The following ELF4 variants were observed in gnomAD, a reference collection of about 807,000 sequenced individuals.
ELF4 encodes the protein ETS-related transcription factor Elf-4.
Under a neutral mutation model 31.7 loss-of-function variants are expected in ELF4, and 10 were observed. The observed-to-expected ratio is 0.32, with a 90% CI of 0.19 to 0.54. ELF4 has a LOEUF of 0.54. Among genes scored for constraint, ELF4 ranks in the 20% least tolerant of loss-of-function variants. The probability of loss-of-function intolerance (pLI) is 0.95; values close to 1 mark genes in which losing one functional copy is unlikely to be tolerated. For missense variants in ELF4, 418 were observed against 522.0 expected (o/e 0.80, Z 1.94); for synonymous variants, 208 against 226.7 (o/e 0.92, Z 0.74).
At chrX:130,089,284 C>G (rs1024953959) in intron 1 of ELF4, among the ~76,000 whole-genome samples, 8 of 108,249 alleles carry the variant, frequency 7.4e-5, no homozygotes, top group African/African-American at 2.7e-4. Flanking sequence ...AGGTGGATTG[C>G]TTGAGCTCAG....
At position 130,081,237 on chromosome X, in the gene ELF4, C is replaced by G. The variant is rs1432834356; in HGVS notation, c.75+19G>C. ...ATTGTCCACAGGGGCTAACTGTGCT[C>G]TGTTCTCTGGGGCCATACCTGGTGG... On this transcript the variant is annotated intron_variant, in intron 2 of 8. Transcript: ENST00000308167. 1 of 1,210,994 alleles carries G rather than the reference C, an allele frequency of 8.3e-7. No homozygotes were observed. The highest frequency in any genetic ancestry group is 1.1e-6 in the Non-Finnish European group (1 of 894,597).
At chrX:130,111,269 G>T (rs1483026924), upstream of ELF4, among the ~76,000 whole-genome samples, 1 of 111,985 alleles carries the variant, frequency 8.9e-6, no homozygotes, top group African/African-American at 3.2e-5. Flanking sequence ...TGCTCGTTCC[G>T]CGCCCTTCCC....
At chrX:130,090,156 G>A (rs1304559752) in intron 1 of ELF4, among the ~76,000 whole-genome samples, 2 of 110,439 alleles carry the variant, frequency 1.8e-5, no homozygotes, top group African/African-American at 3.3e-5. Context: ...GGCGGATGAT[G>A]AGGTCAGGAG....
At chrX:130,076,409 G>A (rs1274054389) in intron 2 of ELF4, among the ~76,000 whole-genome samples, 5 of 111,025 alleles carry the variant, frequency 4.5e-5, no homozygotes, top group African/African-American at 1.6e-4. Context: ...AAATAAATAT[G>A]CCAGGATGTT....
chrX:130,089,422 T>C (rs1933012988), intron 1 of ELF4, among the ~76,000 whole-genome samples: 1 of 96,391 alleles, frequency 1.0e-5, no homozygotes, highest in Admixed American at 1.2e-4. Flanking sequence ...GGTGGGAGGA[T>C]CGCTTGAGCC....
chrX:130,102,873 AG>A (rs1279444146), intron 1 of ELF4, among the ~76,000 whole-genome samples: 57 of 76,896 alleles, frequency 7.4e-4, no homozygotes, highest in African/African-American at 1.4e-3. Context: ...AGAGAGAGAG[AG>A]AGAGAGAGAG....
intron 1 of ELF4, among the ~76,000 whole-genome samples, chrX:130,094,392 AAAAACAAAAC>A (rs372844707): frequency 3.8e-5 from 4 of 106,173 alleles, no homozygotes; most frequent in Non-Finnish European, 7.8e-5. Flanking sequence ...TCAAAAAAAC[AAAAACAAAAC>A]AAAACAAAAC....
At chrX:130,102,097 G>T (rs1247484565) in intron 1 of ELF4, among the ~76,000 whole-genome samples, 1 of 112,112 alleles carries the variant, frequency 8.9e-6, no homozygotes, top group Non-Finnish European at 1.9e-5. Context: ...AGTGAACTGA[G>T]ATCGCACGAC....
At chrX:130,083,193 G>A (rs1932910122) in intron 1 of ELF4, among the ~76,000 whole-genome samples, 1 of 105,950 alleles carries the variant, frequency 9.4e-6, no homozygotes, top group Non-Finnish European at 1.9e-5. Context: ...CCCTTTGGAC[G>A]AGTGAGAGGC....
intron 1 of ELF4, among the ~76,000 whole-genome samples, chrX:130,095,610 C>T (rs2124630290): frequency 8.9e-6 from 1 of 111,799 alleles, no homozygotes; most frequent in South Asian, 3.7e-4. Flanking sequence ...AATGTCAACC[C>T]AAGCTCCATC....
rs758877440 is a variant in ELF4, at chrX:130,077,110, G to T, written c.76-2358C>A. ...GATTAAGGTCCCAGCATCTAGAGCT[G>T]TCCATGATGATATCCACTAGTCACG... On this transcript the variant is annotated intron_variant, in intron 2 of 8. Transcript: ENST00000308167. Among the ~76,000 whole-genome samples, 268 of 110,999 alleles carry T rather than the reference G, an allele frequency of 2.4e-3. 1 individual carries two copies. Among genetic ancestry groups the T allele is most frequent in the African/African-American group, 8.0e-3 (245 of 30,506 alleles).
Position 130,081,381 on chromosome X carries a change from G to A in ELF4, c.-51C>T. 2 of 1,152,390 alleles carry A rather than the reference G, an allele frequency of 1.7e-6. No individual in the cohort carries two copies. Among genetic ancestry groups the A allele is most frequent in the Non-Finnish European group, 2.4e-6 (2 of 841,510 alleles). 95.0% of individuals were successfully genotyped at this position (1,152,390 alleles called of 1,213,427 possible). A position where few individuals can be genotyped will look rare whatever the true frequency, so the allele number is the denominator to read the frequency against. On this transcript the variant is annotated 5_prime_UTR_variant, in exon 2 of 9. Coordinates refer to ENST00000308167, the MANE Select transcript of ELF4 (RefSeq NM_001421.4). ...GGGATTATCAGAGCCCTCCAGAGCT[G>A]TGGGGCTTTCTTGATGAAGGGACAA...
chrX:130,077,737 A>G, intron 2 of ELF4, among the ~76,000 whole-genome samples: 1 of 112,177 alleles, frequency 8.9e-6, no homozygotes, highest in East Asian at 2.8e-4. Flanking sequence ...TTATAAAATG[A>G]GAGTGATCAC....
intron 2 of ELF4, among the ~76,000 whole-genome samples, chrX:130,076,614 A>G (rs1932837258): frequency 9.0e-6 from 1 of 111,174 alleles, no homozygotes; most frequent in Admixed American, 9.6e-5. Flanking sequence ...GTATTTTAGT[A>G]GAGATGGGGT....
intron 4 of ELF4, among the ~76,000 whole-genome samples, chrX:130,073,548 G>A (rs1932806836): frequency 8.9e-6 from 1 of 112,085 alleles, no homozygotes; most frequent in African/African-American, 3.2e-5. Context: ...GTTCGCTCTT[G>A]TCACCCAGGC....
rs2124607478 is a variant in ELF4, at chrX:130,064,564, G to A, written c.*2157C>T. Among the ~76,000 whole-genome samples the A allele has an allele frequency of 8.9e-6, 1 of 112,337 alleles. No individual in the cohort carries two copies. The highest frequency in any genetic ancestry group is 2.8e-4 in the East Asian group (1 of 3,588). On this transcript the variant is annotated 3_prime_UTR_variant, in exon 9 of 9. Coordinates refer to ENST00000308167, the MANE Select transcript of ELF4 (RefSeq NM_001421.4). ...GGAGCTTAAGAGAAAGGTTGGGACT[G>A]GAGCTCTAGATTTAGGACCCATCTC...
chrX:130,087,715 G>A (rs933499987), intron 1 of ELF4, among the ~76,000 whole-genome samples: 1 of 111,814 alleles, frequency 8.9e-6, no homozygotes, highest in Non-Finnish European at 1.9e-5. Context: ...TGATCCACCC[G>A]CCTCAGCCTC....
chrX:130,097,442 AG>A (rs1483744325), intron 1 of ELF4, among the ~76,000 whole-genome samples: 1 of 111,317 alleles, frequency 9.0e-6, no homozygotes, highest in Non-Finnish European at 1.9e-5. Context: ...CTCAAAAAAA[AG>A]AAAAGAAAAG....
rs201228337 is a variant in ELF4, at chrX:130,067,050, G to A, written c.1663C>T (p.Pro555Ser). 71 of 1,210,639 alleles carry A rather than the reference G, an allele frequency of 5.9e-5. No homozygotes were observed. The highest frequency in any genetic ancestry group is 7.4e-5 in the Non-Finnish European group (66 of 895,237). The change falls in exon 9 of 9, where the codon CCC becomes TCC. Residue 555 changes from proline (P) to serine (S), a missense_variant. This residue lies in a region of ELF4 where 260 missense variants were observed against 269.2 expected (regional missense o/e 0.97). Transcript: ENST00000308167. ...TCAGGAACCAGCAGCCCCTCCATGG[G>A]GGCCCCCGTCACCATACCCTGAACA... ...SYVQGMVTGA[P>S]MEGLLVPEET...
Sources: gnomAD v4.1 joint callset for allele counts (sites outside exome capture counted in the v4.1 genomes callset) on GRCh38, gnomAD v4.1.1 for gene constraint, gnomAD v4.1.1 regional missense constraint, MANE v1.5 for transcripts, NCBI Gene and HGNC (gene_info 2026-07-23, HGNC 2026-07-21) for gene names.